The following MATN2 variants were observed in gnomAD, a reference collection of about 807,000 sequenced individuals.
MATN2 encodes the protein matrilin-2.
In MATN2, 69 loss-of-function variants were observed where a neutral mutation model predicts 103.2. The ratio of observed to expected loss-of-function variants is 0.67; its 90% confidence interval spans 0.55 to 0.82. MATN2 has a LOEUF of 0.82. MATN2 is among the 40% of genes least tolerant of loss of function. The pLI is 0.00. For missense variants in MATN2, 1,023 were observed against 1,211.5 expected (o/e 0.84, Z 2.31); for synonymous variants, 429 against 450.2 (o/e 0.95, Z 0.60).
intron 7 of MATN2, among the ~76,000 whole-genome samples, chr8:97,996,498 C>T (rs866770999): frequency 1.3e-5 from 2 of 152,144 alleles, no homozygotes; most frequent in African/African-American, 4.8e-5. Flanking sequence ...GTGGGTATAG[C>T]CCCTCTTTAG....
In MATN2 at chr8:97,930,947, C is replaced by T. The variant is rs763788004; in HGVS notation, c.143-6C>T. On this transcript the variant is annotated splice_polypyrimidine_tract_variant and splice_region_variant and intron_variant, in intron 2 of 18. Coordinates refer to ENST00000254898, the MANE Select transcript of MATN2 (RefSeq NM_002380.5). ...CTAATGTATTTGACCTCTCCTCTTTCCCCAGAGAGTTCCTGTGAGAACAAG... is the reference window on the plus strand; with the variant it reads ...CTAATGTATTTGACCTCTCCTCTTTTCCCAGAGAGTTCCTGTGAGAACAAG... 6.3e-7 allele frequency: 1 copy of T among 1,596,432 alleles called. No individual in the cohort carries two copies. Among genetic ancestry groups the T allele is most frequent in the South Asian group, 1.1e-5 (1 of 87,426 alleles).
At chr8:97,961,578 T>C (rs1328806230) in intron 5 of MATN2, 48 bp downstream of exon 5, 1 of 1,563,708 alleles carries the variant, frequency 6.4e-7, no homozygotes, top group Non-Finnish European at 8.7e-7. Flanking sequence ...AAGTTAAGCA[T>C]GGTGAGGAGG....
intron 7 of MATN2, among the ~76,000 whole-genome samples, chr8:98,003,414 G>A (rs1563719574): frequency 6.6e-6 from 1 of 152,220 alleles, no homozygotes; most frequent in African/African-American, 2.4e-5. Flanking sequence ...GTCCTTGTCT[G>A]ACTCCTCACC....
At position 97,941,804 on chromosome 8, in the gene MATN2, A is replaced by G. The variant is rs1810577989; in HGVS notation, c.740A>G (p.His247Arg). The G allele has an allele frequency of 6.2e-7, 1 of 1,608,302 alleles. No homozygotes were observed. The highest frequency in any genetic ancestry group is 8.5e-7 in the Non-Finnish European group (1 of 1,177,328). Residue 247 changes from histidine to arginine, a missense_variant, in exon 4 of 19, where the codon CAT becomes CGT. Coordinates refer to ENST00000254898, the MANE Select transcript of MATN2 (RefSeq NM_002380.5). ...GCCCATATGTGCAGCACCCTGGAGC[A>G]TAACTGTGCCCACTTCTGCATCAAC... Reference protein sequence around the residue: ...CTAHMCSTLEHNCAHFCINIP... With the variant: ...CTAHMCSTLERNCAHFCINIP...
chr8:98,018,436 C>A (rs911848106), intron 12 of MATN2, among the ~76,000 whole-genome samples: 12 of 152,186 alleles, frequency 7.9e-5, no homozygotes, highest in African/African-American at 2.9e-4. Flanking sequence ...CCTCTGCCAG[C>A]AATCACTACA....
At chr8:97,887,157 G>T (rs1440502297) in intron 1 of MATN2, among the ~76,000 whole-genome samples, 1 of 151,986 alleles carries the variant, frequency 6.6e-6, no homozygotes, top group Non-Finnish European at 1.5e-5. Context: ...CTCCCAAAGT[G>T]GTGGGATTAC....
intron 7 of MATN2, among the ~76,000 whole-genome samples, chr8:97,995,528 G>A (rs1203740887): frequency 1.3e-5 from 2 of 152,132 alleles, no homozygotes; most frequent in Middle Eastern, 3.2e-3. Flanking sequence ...AATGTCATTC[G>A]TAGAACTCTC....
intron 13 of MATN2, among the ~76,000 whole-genome samples, chr8:98,026,792 T>G (rs1228840689): frequency 1.3e-5 from 2 of 152,234 alleles, no homozygotes; most frequent in Admixed American, 1.3e-4. Context: ...GAACACTATA[T>G]AGAGTACATT....
chr8:98,017,330 G>A (rs1813399313), intron 11 of MATN2, among the ~76,000 whole-genome samples: 1 of 152,232 alleles, frequency 6.6e-6, no homozygotes, highest in African/African-American at 2.4e-5. Context: ...AGAAGGCAAA[G>A]CCTCTTAGAT....
At chr8:97,884,497 A>G (rs1048720294) in intron 1 of MATN2, among the ~76,000 whole-genome samples, 4 of 152,178 alleles carry the variant, frequency 2.6e-5, no homozygotes, top group African/African-American at 9.7e-5. Flanking sequence ...AATAACAGCA[A>G]CAACAGGCCG....
chr8:97,902,349 T>C (rs1326724676), intron 2 of MATN2, among the ~76,000 whole-genome samples: 1 of 150,928 alleles, frequency 6.6e-6, no homozygotes, highest in Non-Finnish European at 1.5e-5. Context: ...TACAAAAAAT[T>C]AGCTGGGTGT....
At chr8:97,997,245 G>A (rs1430488863) in intron 7 of MATN2, among the ~76,000 whole-genome samples, 2 of 152,188 alleles carry the variant, frequency 1.3e-5, no homozygotes, top group African/African-American at 4.8e-5. Flanking sequence ...AAGCCCACGG[G>A]TTCGACTGAG....
chr8:97,952,494 C>T (rs1222213198), intron 4 of MATN2, among the ~76,000 whole-genome samples: 2 of 152,120 alleles, frequency 1.3e-5, no homozygotes, highest in Non-Finnish European at 2.9e-5. Flanking sequence ...TGCCTCCTTC[C>T]GGTGTAAGCA....
chr8:97,968,349 G>T (rs960592956), intron 5 of MATN2, among the ~76,000 whole-genome samples: 1 of 152,212 alleles, frequency 6.6e-6, no homozygotes, highest in African/African-American at 2.4e-5. Context: ...TCTAGCAAGT[G>T]GTTGCTCCAC....
At chr8:97,956,713 C>T (rs557926182) in intron 4 of MATN2, among the ~76,000 whole-genome samples, 26 of 152,292 alleles carry the variant, frequency 1.7e-4, no homozygotes, top group African/African-American at 5.8e-4. Flanking sequence ...TAAGCTCTGC[C>T]TCTGGAGTTG....
rs552989707 is a variant in MATN2, at chr8:97,982,821, T to G, written c.1081+3813T>G. 2.6e-5 allele frequency among the ~76,000 whole-genome samples: 4 copies of G among 152,332 alleles called. No individual in the cohort carries two copies. Among genetic ancestry groups the G allele is most frequent in the African/African-American group, 9.6e-5 (4 of 41,568 alleles). On this transcript the variant is annotated intron_variant, in intron 6 of 18. Coordinates refer to ENST00000254898, the MANE Select transcript of MATN2 (RefSeq NM_002380.5). This position sits in a 1 kb window ranked among gnomAD's most constrained non-coding sequence, Gnocchi z 4.3. ...GACTTTTCTTTTTCTGGTATTGTTA[T>G]AAAACATACATAATAGAAAATTTAC... is the stretch of plus-strand genomic sequence containing the variant.
In MATN2 at chr8:97,941,885, A is replaced by C; in HGVS notation, c.821A>C (p.Gln274Pro). The change falls in exon 4 of 19, where the codon CAG (glutamine) becomes CCG (proline). Residue 274 changes from glutamine to proline, a missense_variant. Transcript: ENST00000254898. ...CAAGGCTACATTCTCAACTCGGATC[A>C]GACGACTTGCAGAAGTAAGATTGCT... ...CKQGYILNSD[Q>P]TTCRIQDLCA... The C allele has an allele frequency of 2.5e-6, 4 of 1,613,258 alleles. No homozygotes were observed. Among genetic ancestry groups the C allele is most frequent in the Non-Finnish European group, 3.4e-6 (4 of 1,179,396 alleles).
rs181484042 is a variant in MATN2 at position 97,878,898 on chromosome 8, G to A, written c.-26-9177G>A. Among the ~76,000 whole-genome samples, 37 of 152,126 alleles carry A rather than the reference G, an allele frequency of 2.4e-4. 1 individual carries two copies. The East Asian group carries it at 5.6e-3, about 23-fold the overall frequency. The stretch of plus-strand genomic sequence containing the variant: ...AAGATGTTATCCTCCTATTACAGTC[G>A]CCTACATTCAGGCAAACATAGTACG... On this transcript the variant is annotated intron_variant, in intron 1 of 18. Transcript: ENST00000254898.
intron 2 of MATN2, among the ~76,000 whole-genome samples, chr8:97,907,478 AT>A (rs751836996): frequency 0.21 from 29,489 of 138,532 alleles, 2,968 homozygotes; most frequent in Admixed American, 0.29. Context: ...CAGCTGGCTA[AT>A]TTTTTTTTTT....
Sources: gnomAD v4.1 joint callset for allele counts (sites outside exome capture counted in the v4.1 genomes callset) on GRCh38, gnomAD v4.1.1 for gene constraint, Gnocchi (gnomAD v3.1) non-coding constraint, MANE v1.5 for transcripts, NCBI Gene and HGNC (gene_info 2026-07-23, HGNC 2026-07-21) for gene names.